The following PLXNB2 variants were observed in gnomAD, a reference collection of about 807,000 sequenced individuals.
PLXNB2 encodes plexin B2.
Under a neutral mutation model 202.6 loss-of-function variants are expected in PLXNB2, and 85 were observed. The observed-to-expected ratio is 0.42, with a 90% CI of 0.35 to 0.50. The LOEUF (loss-of-function observed/expected upper bound fraction) is 0.50, where lower values mean the gene tolerates loss of function less well. Ranked by LOEUF, PLXNB2 falls within the 20% of genes least tolerant of loss-of-function variation. The pLI is 0.02. For missense variants in PLXNB2, 2,063 were observed against 2,586.2 expected, an observed-to-expected ratio of 0.80 and a Z score of 4.39; for synonymous variants, 1,239 against 1,137.6, an observed-to-expected ratio of 1.09 and a Z score of -1.79.
In PLXNB2 at chr22:50,288,055, T is replaced by C; in HGVS notation, c.1381-18A>G. 1 of 1,542,300 alleles carries C rather than the reference T, an allele frequency of 6.5e-7. No individual in the cohort carries two copies. Among genetic ancestry groups the C allele is most frequent in the Non-Finnish European group, 8.8e-7 (1 of 1,140,448 alleles). ...CGGAACACCTAGGGCAGCGGGGCCG[T>C]GAGTGGGACCACAGCAGAGGCCGCA... On this transcript the variant is annotated intron_variant, in intron 5 of 36. Transcript: ENST00000359337. This position sits in a 1 kb window ranked among gnomAD's most constrained non-coding sequence, Gnocchi z 5.0.
rs376962911 is a variant in PLXNB2 at position 50,278,533 on chromosome 22, C to T, written c.4648-14G>A. The T allele has an allele frequency of 3.5e-5, 56 of 1,580,582 alleles. No individual in the cohort carries two copies. The highest frequency in any genetic ancestry group is 4.6e-5 in the Non-Finnish European group (53 of 1,164,022). On this transcript the variant is annotated splice_polypyrimidine_tract_variant and intron_variant, in intron 29 of 36. Coordinates refer to ENST00000359337, the MANE Select transcript of PLXNB2 (RefSeq NM_012401.4). The stretch of plus-strand genomic sequence containing the variant: ...TCCATCCCGGACCTGGGGAACACGG[C>T]GGTGAGGGTGGGCTGTGCCCCCAGG...
At position 50,280,977 on chromosome 22, in the gene PLXNB2, G is replaced by A. The variant is rs756096466; in HGVS notation, c.3764-4C>T. The A allele has an allele frequency of 6.2e-7, 1 of 1,612,208 alleles. No homozygotes were observed. Among genetic ancestry groups the A allele is most frequent in the African/African-American group, 1.3e-5 (1 of 74,894 alleles). On this transcript the variant is annotated splice_polypyrimidine_tract_variant and splice_region_variant and intron_variant, in intron 23 of 36. Coordinates refer to ENST00000359337, the MANE Select transcript of PLXNB2 (RefSeq NM_012401.4). ...TCCTCCATCTCGATCATCAGGTCTG[G>A]GGGGAGGCTGGCGTGAGACGTCCCT...
rs577445626 is a variant in PLXNB2, at chr22:50,294,819, G to A, written c.-73-41C>T. The A allele has an allele frequency of 9.5e-5, 89 of 939,612 alleles. 2 individuals are homozygous for A. The East Asian group carries it at 4.1e-3, about 43-fold the overall frequency. The allele number at this position is 939,612 out of a possible 1,614,324, so 58.2% of individuals were successfully genotyped here. A position where few individuals can be genotyped will look rare whatever the true frequency, so the allele number is the denominator to read the frequency against. The stretch of plus-strand genomic sequence containing the variant: ...GAGACGCCGGTCACAAGAGGAGCCC[G>A]GTCTGCTGTGGAGCCCCCCACCTCT... On this transcript the variant is annotated intron_variant, in intron 1 of 36. Transcript: ENST00000359337.
Position 50,280,611 on chromosome 22 carries a change from C to T in PLXNB2, c.4053G>A (p.Ala1351=), listed in dbSNP as rs202112451. The change falls in exon 25 of 37, where the codon GCG becomes GCA. Residue 1351 remains alanine, a synonymous_variant. Transcript: ENST00000359337. ...CGTGCAGCGCCACCGTCAGCAGGGACGCGAAGTAGACCTTGGCGCGGGCCG... is the reference window on the plus strand; with the variant it reads ...CGTGCAGCGCCACCGTCAGCAGGGATGCGAAGTAGACCTTGGCGCGGGCCG... The part of the protein sequence containing the change: ...EFSARAKVYF[A]SLLTVALHGK... 50 of 1,612,600 alleles carry T rather than the reference C, an allele frequency of 3.1e-5. No individual in the cohort carries two copies. The East Asian group carries it at 8.2e-4, about 27-fold the overall frequency.
chr22:50,306,782 C>G (rs1482336468), intron 1 of PLXNB2, among the ~76,000 whole-genome samples: 1 of 152,236 alleles, frequency 6.6e-6, no homozygotes, highest in South Asian at 2.1e-4. Context: ...GGACCCCTTT[C>G]TTCCTTTCCC....
Position 50,287,229 on chromosome 22 carries a change from G to T in PLXNB2, c.1644C>A (p.Ser548Arg). 2 of 1,549,226 alleles carry T rather than the reference G, an allele frequency of 1.3e-6. No individual in the cohort carries two copies. The highest frequency in any genetic ancestry group is 1.7e-4 in the Middle Eastern group (1 of 5,964). Residue 548 changes from serine to arginine, a missense_variant, in exon 8 of 37, where the codon AGC becomes AGA. Physicochemically the swap from Ser to Arg is moderately radical, Grantham distance 110 (BLOSUM62 -1). Transcript: ENST00000359337. ...AAAGGCACAGCAACTCGTCCTCCTCGCTCAGGGCAGGGAGGGGGCTGACGG... is the reference window on the plus strand; with the variant it reads ...AAAGGCACAGCAACTCGTCCTCCTCTCTCAGGGCAGGGAGGGGGCTGACGG... ...QLTVSPLPALSEEDELLCLFG... is the reference protein window; with the variant it reads ...QLTVSPLPALREEDELLCLFG...
intron 1 of PLXNB2, among the ~76,000 whole-genome samples, chr22:50,303,852 C>G (rs1197139366): frequency 6.6e-6 from 1 of 152,214 alleles, no homozygotes; most frequent in African/African-American, 2.4e-5. Flanking sequence ...TGCCCCAGGC[C>G]TGGGCCGGGA....
At chr22:50,295,923 G>A (rs907382113) in intron 1 of PLXNB2, among the ~76,000 whole-genome samples, 2 of 152,034 alleles carry the variant, frequency 1.3e-5, no homozygotes, top group Non-Finnish European at 2.9e-5. Context: ...CCAACATGGT[G>A]AAACCCCATC....
chr22:50,306,240 C>CG (rs556641474), intron 1 of PLXNB2, among the ~76,000 whole-genome samples: 10 of 152,316 alleles, frequency 6.6e-5, no homozygotes, highest in East Asian at 1.9e-4. Context: ...CCAGACCCCC[C>CG]GGGACAGAGG....
At position 50,290,384 on chromosome 22, in the gene PLXNB2, C is replaced by T. The variant is rs1355993948; in HGVS notation, c.201G>A (p.Val67=). Residue 67 remains valine, a synonymous_variant, in exon 3 of 37, where the codon GTG becomes GTA. Coordinates refer to ENST00000359337, the MANE Select transcript of PLXNB2 (RefSeq NM_012401.4). ...LDAKLQLEQQ[V]ATGPALDNKK... ...TGTTGTCCAGGGCCGGGCCCGTGGC[C>T]ACCTGCTGCTCCAGCTGCAGCTTCG... 3.7e-6 allele frequency: 6 copies of T among 1,612,802 alleles called. No homozygotes were observed. Among genetic ancestry groups the T allele is most frequent in the Non-Finnish European group, 5.1e-6 (6 of 1,179,994 alleles).
At position 50,282,795 on chromosome 22, in the gene PLXNB2, G is replaced by C; in HGVS notation, c.2903C>G (p.Ser968Cys). The C allele has an allele frequency of 1.2e-6, 2 of 1,609,702 alleles. No homozygotes were observed. Among genetic ancestry groups the C allele is most frequent in the Non-Finnish European group, 1.7e-6 (2 of 1,178,706 alleles). The change falls in exon 18 of 37, where the codon TCC becomes TGC. Residue 968 changes from serine (S) to cysteine (C), a missense_variant. By Grantham distance (112) the Ser-to-Cys change is moderately radical (BLOSUM62 -1). Transcript: ENST00000359337. ...GAAGATGCCGGGGTTGGGCACGGGG[G>C]ACCCCCCGTAGGAGACCTCCAGAAG... Reference protein sequence around the residue: ...QMLLEVSYGGSPVPNPGIFFT... With the variant: ...QMLLEVSYGGCPVPNPGIFFT...
chr22:50,288,046 G>C lies in PLXNB2; in HGVS notation c.1381-9C>G. On this transcript the variant is annotated splice_polypyrimidine_tract_variant and intron_variant, in intron 5 of 36. Transcript: ENST00000359337. The surrounding 1 kb of genome is among the most constrained non-coding windows in gnomAD (Gnocchi z 5.0). ...ACCGGCAGCCGGAACACCTAGGGCA[G>C]CGGGGCCGTGAGTGGGACCACAGCA... The C allele has an allele frequency of 6.5e-7, 1 of 1,550,382 alleles. No individual in the cohort carries two copies. The highest frequency in any genetic ancestry group is 8.7e-7 in the Non-Finnish European group (1 of 1,146,792).
rs773101215 is a variant in PLXNB2 at position 50,282,026 on chromosome 22, G to A, written c.3173C>T (p.Pro1058Leu). 11 of 1,612,894 alleles carry A rather than the reference G, an allele frequency of 6.8e-6. No individual in the cohort carries two copies. The highest frequency in any genetic ancestry group is 4.0e-5 in the African/African-American group (3 of 75,056). The change falls in exon 20 of 37, where the codon CCG becomes CTG. Residue 1058 changes from proline to leucine, a missense_variant. Physicochemically the swap from Pro to Leu is moderately conservative, Grantham distance 98. Transcript: ENST00000359337. ...GGCCTCTGGCTCCTCAGGCACAGCC[G>A]GGGACAGGAAGACGACCTTGGTGTC... is the stretch of plus-strand genomic sequence containing the variant. Reference protein sequence around the residue: ...HNDTKVVFLSPAVPEEPEAYN... With the variant: ...HNDTKVVFLSLAVPEEPEAYN...
chr22:50,279,934 GGGAACGCAGGAGGGGA>G, intron 26 of PLXNB2, 55 bp downstream of exon 26: 1 of 1,422,596 alleles, frequency 7.0e-7, no homozygotes, highest in Non-Finnish European at 9.8e-7. Flanking sequence ...GTACAGATAG[GGGAACGCAGGAGGGGA>G]TGGCAGCAGT....
intron 1 of PLXNB2, among the ~76,000 whole-genome samples, chr22:50,298,155 G>A: frequency 6.6e-6 from 1 of 152,250 alleles, no homozygotes; most frequent in East Asian, 1.9e-4. Flanking sequence ...GGAAGGGGTG[G>A]TGACATGCAG....
chr22:50,301,875 G>A (rs2067710414), intron 1 of PLXNB2, among the ~76,000 whole-genome samples: 2 of 152,254 alleles, frequency 1.3e-5, no homozygotes, highest in South Asian at 4.1e-4. Flanking sequence ...ACCGCGCCAA[G>A]CCTGTGTGCC....
At chr22:50,276,598 G>C (rs558489187) in intron 35 of PLXNB2, 31 bp downstream of exon 35, 1 of 1,565,280 alleles carries the variant, frequency 6.4e-7, no homozygotes, top group Admixed American at 1.7e-5. Context: ...AGCGGGGAGG[G>C]CTGTGGGTGC....
At position 50,282,823 on chromosome 22, in the gene PLXNB2, T is replaced by C. The variant is rs62621407; in HGVS notation, c.2875A>G (p.Met959Val). ...VTGPQATRGQ[M>V]LLEVSYGGSP... ...CCCCCGTAGGAGACCTCCAGAAGCA[T>C]CTGGCCCCGTGTCGCCTGGGGGCCA... The change falls in exon 18 of 37, where the codon ATG (methionine) becomes GTG (valine). Residue 959 changes from methionine to valine, a missense_variant. By Grantham distance (21) the Met-to-Val change is conservative (BLOSUM62 1). Coordinates refer to ENST00000359337, the MANE Select transcript of PLXNB2 (RefSeq NM_012401.4). The C allele has an allele frequency of 5.2e-3, 8,387 of 1,612,878 alleles. 40 individuals carry two copies. The highest frequency in any genetic ancestry group is 6.4e-3 in the Non-Finnish European group (7,587 of 1,179,632).
In PLXNB2 at chr22:50,279,962, T is replaced by C. The variant is rs1283731046; in HGVS notation, c.4242+43A>G. Reference sequence around the variant, plus strand: ...AACGCAGGAGGGGATGGCAGCAGTCTGCCTCATCCCTCAAGCCCCAGCCAG... The same window carrying C: ...AACGCAGGAGGGGATGGCAGCAGTCCGCCTCATCCCTCAAGCCCCAGCCAG... On this transcript the variant is annotated intron_variant, in intron 26 of 36. Transcript: ENST00000359337. 3.3e-6 allele frequency: 5 copies of C among 1,503,184 alleles called. No individual in the cohort carries two copies. The South Asian group carries it at 6.0e-5, about 18-fold the overall frequency. The allele number at this position is 1,503,184 out of a possible 1,614,324, so 93.1% of individuals were successfully genotyped here.
Sources: gnomAD v4.1 joint callset for allele counts (sites outside exome capture counted in the v4.1 genomes callset) on GRCh38, gnomAD v4.1.1 for gene constraint, Gnocchi (gnomAD v3.1) non-coding constraint, MANE v1.5 for transcripts, NCBI Gene and HGNC (gene_info 2026-07-23, HGNC 2026-07-21) for gene names.